Variants in XPO4 observed in about 807,000 individuals in gnomAD.
XPO4 encodes the protein exportin-4.
In XPO4, 39 loss-of-function variants were observed where a neutral mutation model predicts 143.0. The observed-to-expected ratio is 0.27, with a 90% CI of 0.21 to 0.36. XPO4 has a LOEUF of 0.36. Ranked by LOEUF, XPO4 falls within the 10% of genes least tolerant of loss-of-function variation. XPO4 has a pLI of 1.00. For missense variants in XPO4, 907 were observed against 1,348.0 expected (o/e 0.67, Z 5.12); for synonymous variants, 439 against 474.0 (o/e 0.93, Z 0.96).
At chr13:20,893,506 G>A (rs934652049) in intron 1 of XPO4, among the ~76,000 whole-genome samples, 5 of 152,092 alleles carry the variant, frequency 3.3e-5, no homozygotes, top group Admixed American at 6.6e-5. Context: ...TTGGGAGGCC[G>A]AGGTGGGAGG....
chr13:20,860,156 C>T (rs945632457), intron 3 of XPO4, among the ~76,000 whole-genome samples: 2 of 152,164 alleles, frequency 1.3e-5, no homozygotes, highest in Non-Finnish European at 2.9e-5. Context: ...GTACCAAGTC[C>T]CTGATCTACA....
chr13:20,815,314 G>A (rs1021640858), intron 9 of XPO4, among the ~76,000 whole-genome samples: 1 of 152,156 alleles, frequency 6.6e-6, no homozygotes, highest in African/African-American at 2.4e-5. Flanking sequence ...TATGGACTCT[G>A]GATGGCGATG....
Position 20,788,556 on chromosome 13 carries a change from C to T in XPO4, c.2977G>A (p.Glu993Lys). ...TCCTCAGGAAGCTGTGGTATTTTTT[C>T]AGGAAAAATCTCACAGATAAATGTG... ...LITFICEIFP[E>K]KIPQLPEDLF... Residue 993 changes from glutamate to lysine, a missense_variant, in exon 20 of 23, where the codon GAA becomes AAA. Glu to Lys is a moderately conservative substitution (Grantham distance 56). Coordinates refer to ENST00000255305, the MANE Select transcript of XPO4 (RefSeq NM_022459.5). The T allele has an allele frequency of 6.2e-7, 1 of 1,612,486 alleles. No homozygotes were observed. Among genetic ancestry groups the T allele is most frequent in the Non-Finnish European group, 8.5e-7 (1 of 1,179,390 alleles).
At chr13:20,851,521 C>T in intron 4 of XPO4, 1 of 765,364 alleles carries the variant, frequency 1.3e-6, no homozygotes, top group East Asian at 1.3e-4. Flanking sequence ...CCAGCTTGGG[C>T]AACATAGCAA....
At chr13:20,833,713 A>T (rs1162997952) in intron 6 of XPO4, among the ~76,000 whole-genome samples, 3 of 152,166 alleles carry the variant, frequency 2.0e-5, no homozygotes, top group Non-Finnish European at 4.4e-5. Context: ...CATATACAAC[A>T]TGCATAGGGA....
chr13:20,831,804 ATT>A (rs34302388), intron 6 of XPO4, among the ~76,000 whole-genome samples: 1,192 of 88,780 alleles, frequency 0.013, 4 homozygotes, highest in African/African-American at 0.017. Flanking sequence ...TAGTACAGTG[ATT>A]TTTTTTTTTT....
chr13:20,881,445 T>C (rs2060408793), intron 1 of XPO4, among the ~76,000 whole-genome samples: 1 of 151,976 alleles, frequency 6.6e-6, no homozygotes, highest in African/African-American at 2.4e-5. Context: ...ATTTTTTTGG[T>C]ATTTTTAGTA....
At chr13:20,865,180 TGAGACTA>T (rs2060234634) in intron 2 of XPO4, among the ~76,000 whole-genome samples, 1 of 151,524 alleles carries the variant, frequency 6.6e-6, no homozygotes, top group Admixed American at 6.6e-5. Flanking sequence ...CTCTTGTTAC[TGAGACTA>T]GAATGCAATG....
At position 20,862,594 on chromosome 13, in the gene XPO4, G is replaced by A. The variant is rs183355014; in HGVS notation, c.317+123C>T. 23 of 1,217,018 alleles carry A rather than the reference G, an allele frequency of 1.9e-5. No individual in the cohort carries two copies. The Admixed American group carries it at 4.5e-4, about 24-fold the overall frequency. The allele number at this position is 1,217,018 out of a possible 1,614,324, so 75.4% of individuals were successfully genotyped here. On this transcript the variant is annotated intron_variant, in intron 3 of 22. Transcript: ENST00000255305. ...TCCTCCCTCTCAGCCTCCCAAAGTGGAGATTATAGGTGTGAGCCACTATAC... is the reference window on the plus strand; with the variant it reads ...TCCTCCCTCTCAGCCTCCCAAAGTGAAGATTATAGGTGTGAGCCACTATAC...
At chr13:20,853,098 G>A (rs2060105193) in intron 4 of XPO4, 3 of 951,186 alleles carry the variant, frequency 3.2e-6, no homozygotes, top group Non-Finnish European at 1.3e-6. Context: ...TTGGAAGGCT[G>A]AGGCAAGAGA....
chr13:20,849,466 T>G (rs2138081136), intron 4 of XPO4: 1 of 984,162 alleles, frequency 1.0e-6, no homozygotes. Context: ...AAATACAGAT[T>G]AAAATTTTAG....
rs755422197 is a variant in XPO4 at position 20,833,154 on chromosome 13, C to T, written c.728-5975G>A. ...ACTATATTTATAGTGAACAAACATCCGAAAACTGAGCTAATACTTCTGAAC... is the reference window on the plus strand; with the variant it reads ...ACTATATTTATAGTGAACAAACATCTGAAAACTGAGCTAATACTTCTGAAC... On this transcript the variant is annotated intron_variant, in intron 6 of 22. Coordinates refer to ENST00000255305, the MANE Select transcript of XPO4 (RefSeq NM_022459.5). Among the ~76,000 whole-genome samples the T allele has an allele frequency of 3.9e-5, 6 of 151,986 alleles. No homozygotes were observed. In the South Asian group the frequency reaches 6.2e-4, roughly 16 times the overall value.
At chr13:20,824,883 T>C (rs551415059) in intron 7 of XPO4, among the ~76,000 whole-genome samples, 1 of 152,266 alleles carries the variant, frequency 6.6e-6, no homozygotes, top group Admixed American at 6.5e-5. Flanking sequence ...CTGTTGGCCA[T>C]CCAAATTAAA....
chr13:20,897,721 A>G (rs1341706275), intron 1 of XPO4, among the ~76,000 whole-genome samples: 1 of 152,156 alleles, frequency 6.6e-6, no homozygotes, highest in East Asian at 1.9e-4. Flanking sequence ...ATCATTTGCC[A>G]TCTCTGAATA....
In XPO4 at chr13:20,788,473, AT is replaced by A. The variant is rs1375041260; in HGVS notation, c.3047+12del. 3.7e-6 allele frequency: 6 copies of A among 1,606,850 alleles called. No homozygotes were observed. In the African/African-American group the frequency reaches 8.0e-5, roughly 22 times the overall value. On this transcript the variant is annotated intron_variant, in intron 20 of 22. Transcript: ENST00000255305. ...CAAGTAACAAGTAACAGTGATGTTC[AT>A]TTAAAGGATATGATGTCATTCCTAA...
rs927559866 is a variant in XPO4, at chr13:20,848,292, T to A, written c.457-4406A>T. The A allele has an allele frequency of 3.0e-6, 3 of 985,256 alleles. No homozygotes were observed. In the African/African-American group the frequency reaches 5.2e-5, roughly 17 times the overall value. The allele number at this position is 985,256 out of a possible 1,614,324, so 61.0% of individuals were successfully genotyped here. On this transcript the variant is annotated intron_variant, in intron 4 of 22. Coordinates refer to ENST00000255305, the MANE Select transcript of XPO4 (RefSeq NM_022459.5). ...CTCTTTCAGGAGTCCAATACAAGAA[T>A]CCTGTTGTTTGAATCAGTTAGAAAA...
chr13:20,826,704 TCTTA>T (rs1186672260), intron 7 of XPO4, among the ~76,000 whole-genome samples: 24 of 152,366 alleles, frequency 1.6e-4, no homozygotes, highest in African/African-American at 5.3e-4. Context: ...TGTAATCGTT[TCTTA>T]CTGTTACTTT....
intron 1 of XPO4, chr13:20,869,394 C>G (rs4770078): frequency 2.4e-6 from 1 of 420,672 alleles, no homozygotes; most frequent in Non-Finnish European, 3.2e-6. Context: ...CTACCTAAAA[C>G]GTACATTCCT....
intron 20 of XPO4, among the ~76,000 whole-genome samples, chr13:20,788,059 T>C (rs1180592630): frequency 1.4e-5 from 1 of 72,354 alleles, no homozygotes; most frequent in Admixed American, 2.2e-4. Flanking sequence ...GTTTTTTTGT[T>C]TTTTTTTTTT....
Sources: gnomAD v4.1 joint callset for allele counts (sites outside exome capture counted in the v4.1 genomes callset) on GRCh38, gnomAD v4.1.1 for gene constraint, MANE v1.5 for transcripts, NCBI Gene and HGNC (gene_info 2026-07-23, HGNC 2026-07-21) for gene names.